ZC3H18: variants seen among roughly 807,000 people sequenced by gnomAD.
ZC3H18 encodes zinc finger CCCH-type containing 18, also known as zinc finger CCCH domain-containing protein 18.
Under a neutral mutation model 106.1 loss-of-function variants are expected in ZC3H18, and 8 were observed. That is an observed-to-expected ratio of 0.08 (90% CI 0.04 to 0.14). The LOEUF is 0.14. Ranked by LOEUF, ZC3H18 falls within the 10% of genes least tolerant of loss-of-function variation. The probability of loss-of-function intolerance (pLI) is 1.00; values close to 1 mark genes in which losing one functional copy is unlikely to be tolerated. For synonymous variants in ZC3H18, 635 were observed against 522.1 expected (o/e 1.22, Z -2.95); for missense variants, 1,318 against 1,278.4 (o/e 1.03, Z -0.47).
chr16:88,609,760 T>G (rs145402190), intron 7 of ZC3H18, among the ~76,000 whole-genome samples: 2 of 151,528 alleles, frequency 1.3e-5, no homozygotes, highest in Non-Finnish European at 2.9e-5. Context: ...CCATCACACC[T>G]GGCTAATTTT....
chr16:88,586,293 G>T (rs545392526), intron 2 of ZC3H18, among the ~76,000 whole-genome samples: 1 of 152,176 alleles, frequency 6.6e-6, no homozygotes, highest in Admixed American at 6.5e-5. Flanking sequence ...AAACCCCGAA[G>T]TGTTACTATT....
chr16:88,576,054 C>T (rs1914727528), intron 1 of ZC3H18, among the ~76,000 whole-genome samples: 1 of 152,212 alleles, frequency 6.6e-6, no homozygotes, highest in Non-Finnish European at 1.5e-5. Flanking sequence ...GCGCCTGCCA[C>T]CACGTGCAGC....
intron 16 of ZC3H18, among the ~76,000 whole-genome samples, chr16:88,629,103 C>T (rs1254428333): frequency 6.6e-6 from 1 of 152,266 alleles, no homozygotes; most frequent in Non-Finnish European, 1.5e-5. Context: ...CTTTGGGAGG[C>T]TGAGGCCGGC....
At chr16:88,593,327 A>C (rs1904305679) in intron 3 of ZC3H18, among the ~76,000 whole-genome samples, 1 of 152,224 alleles carries the variant, frequency 6.6e-6, no homozygotes, top group Non-Finnish European at 1.5e-5. Context: ...GAGGGCTGCT[A>C]AGTGACTAGT....
chr16:88,623,279 T>A lies in ZC3H18; in HGVS notation c.1728T>A (p.Ser576=). The A allele has an allele frequency of 6.2e-7, 1 of 1,613,758 alleles. No individual in the cohort carries two copies. Among genetic ancestry groups the A allele is most frequent in the African/African-American group, 1.3e-5 (1 of 74,992 alleles). The change falls in exon 10 of 18, where the codon TCT becomes TCA. Residue 576 remains serine (S), a synonymous_variant. Transcript: ENST00000301011. ...GCTCCTCCCGGTCGCGATCCCGGTC[T>A]TCATCCTACAGCTCCTACTCCAGCC... is the stretch of plus-strand genomic sequence containing the variant. ...GSGSSRSRSR[S]SSYSSYSSRS... is the part of the protein sequence containing the mutation.
chr16:88,596,874 C>T (rs1386986741), intron 3 of ZC3H18, among the ~76,000 whole-genome samples: 1 of 152,210 alleles, frequency 6.6e-6, no homozygotes, highest in Non-Finnish European at 1.5e-5. Context: ...CTCTCTGAGG[C>T]TCTGGATTTT....
chr16:88,619,293 A>G (rs952736738), intron 8 of ZC3H18, among the ~76,000 whole-genome samples: 11 of 152,206 alleles, frequency 7.2e-5, no homozygotes, highest in African/African-American at 2.7e-4. Flanking sequence ...AAAAAAGGAA[A>G]AAAATGGTTA....
intron 17 of ZC3H18, among the ~76,000 whole-genome samples, 168 bp from the exon 18 acceptor site, chr16:88,630,933 G>C (rs1254223458): frequency 6.6e-6 from 1 of 152,258 alleles, no homozygotes; most frequent in African/African-American, 2.4e-5. Context: ...GGAGCCAGTG[G>C]CTAGGACCAG....
chr16:88,577,452 G>A lies in ZC3H18; in HGVS notation c.329G>A (p.Ser110Asn). 1 of 1,610,518 alleles carries A rather than the reference G, an allele frequency of 6.2e-7. No homozygotes were observed. The highest frequency in any genetic ancestry group is 2.2e-5 in the East Asian group (1 of 44,790). The change falls in exon 2 of 18, where the codon AGC (serine) becomes AAC (asparagine). Residue 110 changes from serine (S) to asparagine (N), a missense_variant. This residue lies in a region of ZC3H18 where 346 missense variants were observed against 269.0 expected (regional missense o/e 1.29). Transcript: ENST00000301011. ...GACGAAGGGGAGGAAGACCGGACAA[G>A]CGACCTTAGGGATGAGGCCTCCTCA... ...EGDEGEEDRTSDLRDEASSVT... is the reference protein window; with the variant it reads ...EGDEGEEDRTNDLRDEASSVT...
chr16:88,575,688 A>G (rs1156736085), intron 1 of ZC3H18, among the ~76,000 whole-genome samples: 1 of 152,032 alleles, frequency 6.6e-6, no homozygotes, highest in African/African-American at 2.4e-5. Context: ...ATAGGAATGA[A>G]GTCTGAAGTG....
At chr16:88,586,567 TC>T in intron 2 of ZC3H18, 32 bp from the exon 3 acceptor site, 1 of 1,580,342 alleles carries the variant, frequency 6.3e-7, no homozygotes, top group Non-Finnish European at 8.7e-7. Flanking sequence ...GATAGATGCC[TC>T]CCCCACGCTA....
At chr16:88,587,753 G>C in intron 3 of ZC3H18, 1 of 823,670 alleles carries the variant, frequency 1.2e-6, no homozygotes, top group Non-Finnish European at 1.9e-6. Flanking sequence ...GAGCTGTTCG[G>C]AACCTCCTCC....
In ZC3H18 at chr16:88,631,315, G is replaced by C. The variant is rs1239285466; in HGVS notation, c.*16G>C. Reference sequence around the variant, plus strand: ...GAAAGCATAGGCCGTGCCCCGACCGGACTGGACGCATTTTTATACATAGGG... The same window carrying C: ...GAAAGCATAGGCCGTGCCCCGACCGCACTGGACGCATTTTTATACATAGGG... On this transcript the variant is annotated 3_prime_UTR_variant, in exon 18 of 18. Coordinates refer to ENST00000301011, the MANE Select transcript of ZC3H18 (RefSeq NM_144604.4). The C allele has an allele frequency of 6.4e-7, 1 of 1,559,346 alleles. No individual in the cohort carries two copies.
At position 88,624,573 on chromosome 16, in the gene ZC3H18, TGCCCTGCTCGAGCCTCC is replaced by T; in HGVS notation, c.1899-28_1899-12del. 6.2e-7 allele frequency: 1 copy of T among 1,612,832 alleles called. No individual in the cohort carries two copies. Among genetic ancestry groups the T allele is most frequent in the Non-Finnish European group, 8.5e-7 (1 of 1,179,378 alleles). On this transcript the variant is annotated splice_polypyrimidine_tract_variant and intron_variant, in intron 11 of 17. Transcript: ENST00000301011. ...CCAGCGGGGCCCCGTCCACCAGCCC[TGCCCTGCTCGAGCCTCC>T]CTGTCTCACAGAGAGAAGTCAGTGA...
intron 3 of ZC3H18, among the ~76,000 whole-genome samples, chr16:88,597,890 TCAGA>T (rs1239834027): frequency 3.9e-5 from 6 of 152,226 alleles, no homozygotes; most frequent in East Asian, 1.9e-4. Context: ...AAATTAATAC[TCAGA>T]CAGTTGATAC....
chr16:88,574,861 G>T (rs1313249957), intron 1 of ZC3H18, among the ~76,000 whole-genome samples: 1 of 139,846 alleles, frequency 7.2e-6, no homozygotes, highest in East Asian at 2.1e-4. Flanking sequence ...ACGGAGTCTC[G>T]CTCTGTCGCC....
At position 88,624,070 on chromosome 16, in the gene ZC3H18, C is replaced by A; in HGVS notation, c.1898+8C>A. Reference sequence around the variant, plus strand: ...GCCGCCCGGGAAAGCAGGGTGAGTGCCCAGCCTGTGGGCAAGTCCTGGCCG... The same window carrying A: ...GCCGCCCGGGAAAGCAGGGTGAGTGACCAGCCTGTGGGCAAGTCCTGGCCG... On this transcript the variant is annotated splice_region_variant and intron_variant, in intron 11 of 17. Transcript: ENST00000301011. 6.2e-7 allele frequency: 1 copy of A among 1,605,356 alleles called. No homozygotes were observed. The highest frequency in any genetic ancestry group is 1.1e-5 in the South Asian group (1 of 89,348).
At chr16:88,584,422 CAAA>C (rs768791891) in intron 2 of ZC3H18, among the ~76,000 whole-genome samples, 2 of 72,684 alleles carry the variant, frequency 2.8e-5, no homozygotes, top group African/African-American at 5.4e-5. Context: ...ACTCTGTCTC[CAAA>C]AAAAAAAAAA....
intron 8 of ZC3H18, among the ~76,000 whole-genome samples, chr16:88,613,699 G>A (rs532464033): frequency 1.3e-5 from 2 of 152,156 alleles, no homozygotes; most frequent in Non-Finnish European, 2.9e-5. Flanking sequence ...TTATTGAGTG[G>A]TAAGAGTCCT....
Sources: allele counts gnomAD v4.1 joint callset (sites outside exome capture counted in the v4.1 genomes callset), GRCh38; gene constraint gnomAD v4.1.1; regional missense constraint gnomAD v4.1.1; transcripts MANE v1.5; gene names NCBI Gene and HGNC (gene_info 2026-07-23, HGNC 2026-07-21).